Variants in ADAM22 observed in about 807,000 individuals in gnomAD.
The protein encoded by ADAM22 is disintegrin and metalloproteinase domain-containing protein 22.
ADAM22 carries 65 observed loss-of-function variants against 144.6 expected under a neutral mutation model. The observed-to-expected ratio is 0.45, with a 90% CI of 0.37 to 0.55. ADAM22 has a LOEUF of 0.55. ADAM22 is among the 20% of genes least tolerant of loss of function. The pLI is 0.00. For synonymous variants in ADAM22, 391 were observed against 412.6 expected, an observed-to-expected ratio of 0.95 and a Z score of 0.63; for missense variants, 974 against 1,184.9, an observed-to-expected ratio of 0.82 and a Z score of 2.61.
chr7:87,972,967 G>T (rs1356548095), intron 2 of ADAM22, among the ~76,000 whole-genome samples: 1 of 152,118 alleles, frequency 6.6e-6, no homozygotes, highest in South Asian at 2.1e-4. Flanking sequence ...GACTTAAATG[G>T]TAAACCTAAA....
In ADAM22 at chr7:88,166,071, C is replaced by T. The variant is rs187697801; in HGVS notation, c.2191+125C>T. ...TACATTCTCATAATAATGAATTATA[C>T]AACTGGGGTCCATTTTATGAAACTG... On this transcript the variant is annotated intron_variant, in intron 24 of 31. Transcript: ENST00000413139. 5 of 594,556 alleles carry T rather than the reference C, an allele frequency of 8.4e-6. No homozygotes were observed. In the East Asian group the frequency reaches 1.6e-4, roughly 19 times the overall value. 36.8% of individuals were successfully genotyped at this position (594,556 alleles called of 1,614,324 possible).
At chr7:88,050,068 A>G (rs1805802458) in intron 3 of ADAM22, among the ~76,000 whole-genome samples, 1 of 151,774 alleles carries the variant, frequency 6.6e-6, no homozygotes, top group African/African-American at 2.4e-5. Flanking sequence ...TATAATGTAA[A>G]TTTTTGAAAG....
At chr7:88,189,476 A>G (rs1020025624) in intron 30 of ADAM22, among the ~76,000 whole-genome samples, 6 of 152,166 alleles carry the variant, frequency 3.9e-5, no homozygotes, top group African/African-American at 1.2e-4. Flanking sequence ...CTTTCTGTAG[A>G]TGGAGGAAAC....
At chr7:88,142,971 T>G in intron 14 of ADAM22, 55 bp from the exon 15 acceptor site, 1 of 1,128,558 alleles carries the variant, frequency 8.9e-7, no homozygotes, top group South Asian at 1.3e-5. Flanking sequence ...TTTCAGACAT[T>G]CACAAATGAG....
chr7:88,137,965 G>A (rs1218523159), intron 14 of ADAM22, among the ~76,000 whole-genome samples: 2 of 152,112 alleles, frequency 1.3e-5, no homozygotes, highest in Non-Finnish European at 2.9e-5. Flanking sequence ...ACCAACCTGA[G>A]CAACATGGTG....
chr7:88,196,180 T>C (rs960818062), intron 31 of ADAM22, among the ~76,000 whole-genome samples: 1 of 152,220 alleles, frequency 6.6e-6, no homozygotes, highest in African/African-American at 2.4e-5. Context: ...TTTTATTTCA[T>C]TTGAGACACA....
At chr7:88,091,180 C>G (rs551831215) in intron 4 of ADAM22, among the ~76,000 whole-genome samples, 5 of 152,242 alleles carry the variant, frequency 3.3e-5, no homozygotes, top group Admixed American at 1.3e-4. Context: ...TAACTGCCGC[C>G]AGTAATTTAC....
Position 88,108,253 on chromosome 7 carries a change from A to C in ADAM22, c.468A>C (p.Gly156=). ...TTGTTGCATTGTCAACATGCCACGG[A>C]CTTCAGTAAGTGTTCAAAAAGTTAT... is the stretch of plus-strand genomic sequence containing the variant. ...DSFVALSTCH[G]LHGMFYDGNH... is the part of the protein sequence containing the mutation. The change falls in exon 5 of 32, where the codon GGA becomes GGC. Residue 156 remains glycine (G), a synonymous_variant. Coordinates refer to ENST00000413139, the MANE Select transcript of ADAM22 (RefSeq NM_001324418.2). The C allele has an allele frequency of 6.2e-7, 1 of 1,613,214 alleles. No homozygotes were observed. Among genetic ancestry groups the C allele is most frequent in the South Asian group, 1.1e-5 (1 of 90,814 alleles).
intron 23 of ADAM22, among the ~76,000 whole-genome samples, chr7:88,164,030 A>G (rs1842388540): frequency 1.3e-5 from 2 of 152,054 alleles, no homozygotes; most frequent in African/African-American, 4.8e-5. Flanking sequence ...TATTCCAAGA[A>G]TTTATTTAGG....
chr7:87,941,157 C>A (rs977307952), intron 2 of ADAM22, among the ~76,000 whole-genome samples: 10 of 152,000 alleles, frequency 6.6e-5, no homozygotes, highest in African/African-American at 2.2e-4. Context: ...AGTGAATAGA[C>A]GGGCTAACTT....
At chr7:88,102,608 A>G (rs1823238679) in intron 4 of ADAM22, among the ~76,000 whole-genome samples, 1 of 152,230 alleles carries the variant, frequency 6.6e-6, no homozygotes, top group Admixed American at 6.5e-5. Context: ...TCCTGGAACA[A>G]GAAAAACACG....
At chr7:87,973,005 G>A (rs1850857876) in intron 2 of ADAM22, among the ~76,000 whole-genome samples, 1 of 152,160 alleles carries the variant, frequency 6.6e-6, no homozygotes, top group Admixed American at 6.5e-5. Context: ...AGAAAACCTA[G>A]GCAATACCAT....
chr7:88,068,726 C>T (rs1395724630), intron 3 of ADAM22, among the ~76,000 whole-genome samples: 2 of 152,096 alleles, frequency 1.3e-5, no homozygotes, highest in African/African-American at 2.4e-5. Flanking sequence ...GCCTCAATCA[C>T]GTGTTTGGAA....
chr7:88,095,394 G>T (rs1820989537), intron 4 of ADAM22, among the ~76,000 whole-genome samples: 1 of 152,202 alleles, frequency 6.6e-6, no homozygotes, highest in Non-Finnish European at 1.5e-5. Context: ...TTAGAAAATT[G>T]AGTGGTTTCT....
chr7:87,952,096 A>G (rs942717040), intron 2 of ADAM22, among the ~76,000 whole-genome samples: 1 of 151,594 alleles, frequency 6.6e-6, no homozygotes, highest in African/African-American at 2.4e-5. Flanking sequence ...AACAGGGACA[A>G]TTTGACTTCC....
intron 4 of ADAM22, among the ~76,000 whole-genome samples, chr7:88,095,981 T>A (rs1821169335): frequency 7.8e-6 from 1 of 127,944 alleles, no homozygotes; most frequent in East Asian, 2.6e-4. Context: ...CAGGCTGGAG[T>A]GCAGTGGTGC....
rs1202136273 is a variant in ADAM22, at chr7:88,091,426, T to C, written c.390+15734T>C. 2.6e-5 allele frequency among the ~76,000 whole-genome samples: 4 copies of C among 152,180 alleles called. No individual in the cohort carries two copies. In the East Asian group the frequency reaches 7.7e-4, roughly 29 times the overall value. On this transcript the variant is annotated intron_variant, in intron 4 of 31. Coordinates refer to ENST00000413139, the MANE Select transcript of ADAM22 (RefSeq NM_001324418.2). ...CTTTAACACCAGGGATTTCCTGTAT[T>C]ATGCAATCTGTATGTCTTTCAATCC... is the stretch of plus-strand genomic sequence containing the variant.
intron 3 of ADAM22, among the ~76,000 whole-genome samples, chr7:88,038,867 A>G (rs933760836): frequency 4.0e-5 from 6 of 149,012 alleles, no homozygotes; most frequent in African/African-American, 1.5e-4. Flanking sequence ...TGTAGCCTCG[A>G]CCTTCTGGGC....
At chr7:88,126,101 G>A (rs761975655) in intron 8 of ADAM22, among the ~76,000 whole-genome samples, 2 of 152,026 alleles carry the variant, frequency 1.3e-5, no homozygotes, top group African/African-American at 2.4e-5. Flanking sequence ...TTGGAGTCCA[G>A]GATATAAAAT....
Sources: gnomAD v4.1 joint callset for allele counts (sites outside exome capture counted in the v4.1 genomes callset) on GRCh38, gnomAD v4.1.1 for gene constraint, MANE v1.5 for transcripts, NCBI Gene and HGNC (gene_info 2026-07-23, HGNC 2026-07-21) for gene names.